The following STX1B variants were observed in gnomAD, a reference collection of about 807,000 sequenced individuals.
The protein encoded by STX1B is syntaxin 1B.
In STX1B, 7 loss-of-function variants were observed where a neutral mutation model predicts 39.4. The observed-to-expected ratio is 0.18, with a 90% CI of 0.10 to 0.33. The LOEUF is 0.33. STX1B is among the 10% of genes least tolerant of loss of function. The pLI, the probability that STX1B is intolerant of heterozygous loss-of-function variation, is 1.00. For synonymous variants in STX1B, 136 were observed against 144.1 expected (o/e 0.94, Z 0.40); for missense variants, 198 against 383.2 (o/e 0.52, Z 4.04).
In STX1B at chr16:30,989,625, G is replaced by A. The variant is rs190536608; in HGVS notation, c.*3196C>T. ...ACACGCCAGTGACACAGAAACACAC[G>A]CCAACGCACACGGCTGCACAGCGGG... On this transcript the variant is annotated 3_prime_UTR_variant, in exon 10 of 10. Transcript: ENST00000215095. 1,056 of 152,406 alleles carry A rather than the reference G, an allele frequency of 6.9e-3. 4 individuals carry two copies. The highest frequency in any genetic ancestry group is 0.011 in the Non-Finnish European group (736 of 68,122). The allele number at this position is 152,406 out of a possible 1,614,324, so 9.4% of individuals were successfully genotyped here. A position where few individuals can be genotyped will look rare whatever the true frequency, so the allele number is the denominator to read the frequency against.
chr16:31,000,338 T>G (rs1596718884), intron 4 of STX1B, among the ~76,000 whole-genome samples: 1 of 150,654 alleles, frequency 6.6e-6, no homozygotes, highest in South Asian at 2.2e-4. Flanking sequence ...TTTTGTTTTT[T>G]TTTTTTTTGT....
intron 1 of STX1B, among the ~76,000 whole-genome samples, chr16:31,006,166 C>T (rs2056654214): frequency 6.6e-6 from 1 of 152,158 alleles, no homozygotes; most frequent in African/African-American, 2.4e-5. Flanking sequence ...CACACACGGG[C>T]TTCCCATGCT....
chr16:30,993,078 G>A lies in STX1B; in HGVS notation c.786+52C>T, dbSNP rs528134280. 2.8e-5 allele frequency: 43 copies of A among 1,562,012 alleles called. No individual in the cohort carries two copies. In the Admixed American group the frequency reaches 3.0e-4, roughly 11 times the overall value. On this transcript the variant is annotated intron_variant, in intron 9 of 9. Transcript: ENST00000215095. ...CCGCTGCCATCACTCACCTCAGCCC[G>A]GGCTCAGCCTTGGGCTCCCCCGCCT...
intron 4 of STX1B, among the ~76,000 whole-genome samples, chr16:31,000,674 T>G (rs958834374): frequency 2.0e-5 from 3 of 152,116 alleles, no homozygotes; most frequent in Non-Finnish European, 4.4e-5. Context: ...GTGCTTTTAG[T>G]AGAGATGGGG....
chr16:31,009,756 C>A (rs1287456177), intron 1 of STX1B, among the ~76,000 whole-genome samples: 1 of 151,812 alleles, frequency 6.6e-6, no homozygotes, highest in Non-Finnish European at 1.5e-5. Context: ...CCTCTGCATC[C>A]CCATCTCCCA....
chr16:30,995,495 T>TTC (rs1318765131), intron 7 of STX1B, among the ~76,000 whole-genome samples: 1 of 144,764 alleles, frequency 6.9e-6, no homozygotes, highest in Non-Finnish European at 1.5e-5. Context: ...CTTTCTTTCT[T>TTC]TTTTTTTTTT....
chr16:31,006,185 G>A (rs577216541), intron 1 of STX1B, among the ~76,000 whole-genome samples: 6 of 152,154 alleles, frequency 3.9e-5, no homozygotes, highest in Non-Finnish European at 8.8e-5. Flanking sequence ...CTCCTCAGGG[G>A]TGCAAGCATC....
rs56353515 is a variant in STX1B at position 30,992,641 on chromosome 16, CGGG to C, written c.*177_*179del. The C allele has an allele frequency of 2.5e-6, 1 of 407,210 alleles. No homozygotes were observed. The highest frequency in any genetic ancestry group is 3.5e-5 in the South Asian group (1 of 28,856). 25.2% of individuals were successfully genotyped at this position (407,210 alleles called of 1,614,324 possible). On this transcript the variant is annotated 3_prime_UTR_variant, in exon 10 of 10. Transcript: ENST00000215095. Reference sequence around the variant, plus strand: ...GCCTGCTGCGATCTACGTGCGGGGACGGGGGGGGGGTCCATGGCCCGGTGAGGT... The same window carrying C: ...GCCTGCTGCGATCTACGTGCGGGGACGGGGGGGTCCATGGCCCGGTGAGGT...
intron 1 of STX1B, among the ~76,000 whole-genome samples, chr16:31,002,930 A>G (rs1446760533): frequency 6.6e-6 from 1 of 152,184 alleles, no homozygotes; most frequent in Admixed American, 6.5e-5. Flanking sequence ...CGGAACGCAG[A>G]CAGGGCCTAA....
intron 1 of STX1B, among the ~76,000 whole-genome samples, chr16:31,005,507 TA>T (rs1162945785): frequency 7.9e-6 from 1 of 127,090 alleles, no homozygotes; most frequent in Non-Finnish European, 1.6e-5. Context: ...GGGATCTCAC[TA>T]TATTGCCCAG....
At chr16:30,997,644 G>A (rs1283705828) in intron 4 of STX1B, 69 bp from the exon 5 acceptor site, 19 of 1,447,352 alleles carry the variant, frequency 1.3e-5, no homozygotes, top group Non-Finnish European at 1.7e-5. Flanking sequence ...CGGGGCGTAC[G>A]AATGGTCAAC....
intron 1 of STX1B, among the ~76,000 whole-genome samples, chr16:31,003,658 T>G (rs2056642989): frequency 6.6e-6 from 1 of 152,208 alleles, no homozygotes; most frequent in Non-Finnish European, 1.5e-5. Flanking sequence ...CTGTTGTTCT[T>G]GGAGCCACCT....
At chr16:30,999,094 T>G (rs2056610567) in intron 4 of STX1B, among the ~76,000 whole-genome samples, 1 of 152,186 alleles carries the variant, frequency 6.6e-6, no homozygotes, top group Admixed American at 6.5e-5. Flanking sequence ...ATTGCTTTCA[T>G]TTGTCTTACT....
intron 7 of STX1B, chr16:30,996,419 C>A: frequency 2.6e-6 from 1 of 386,338 alleles, no homozygotes. Flanking sequence ...ATGGGGTTTC[C>A]TCGAAGGGGA....
chr16:30,993,177 C>G lies in STX1B; in HGVS notation c.739G>C (p.Val247Leu). The G allele has an allele frequency of 6.2e-7, 1 of 1,614,240 alleles. No homozygotes were observed. The highest frequency in any genetic ancestry group is 1.1e-5 in the South Asian group (1 of 91,090). ...EHSVDYVERA[V>L]SDTKKAVKYQ... ...TTCACTGCTTTCTTGGTGTCAGACA[C>G]AGCTCGCTCCACGTAGTCCACAGAA... The change falls in exon 9 of 10, where the codon GTG becomes CTG. Residue 247 changes from valine to leucine, a missense_variant. Val to Leu is a conservative substitution (Grantham distance 32, BLOSUM62 1). Transcript: ENST00000215095.
rs1380361632 is a variant in STX1B, at chr16:30,991,306, CAG to C, written c.*1513_*1514del. On this transcript the variant is annotated 3_prime_UTR_variant, in exon 10 of 10. Coordinates refer to ENST00000215095, the MANE Select transcript of STX1B (RefSeq NM_052874.5). ...TCCAGGGGCTCGGGGCTATGCTGGGCAGAGACATGGAGGAAGATGAGGATCTA... is the reference window on the plus strand; with the variant it reads ...TCCAGGGGCTCGGGGCTATGCTGGGCAGACATGGAGGAAGATGAGGATCTA... The C allele has an allele frequency of 6.5e-6, 1 of 152,788 alleles. No individual in the cohort carries two copies. The highest frequency in any genetic ancestry group is 1.5e-5 in the Non-Finnish European group (1 of 68,132). 9.5% of individuals were successfully genotyped at this position (152,788 alleles called of 1,614,324 possible). A position where few individuals can be genotyped will look rare whatever the true frequency, so the allele number is the denominator to read the frequency against.
chr16:30,997,390 GC>G (rs1322622464), intron 5 of STX1B, 111 bp downstream of exon 5: 1 of 482,686 alleles, frequency 2.1e-6, no homozygotes, highest in South Asian at 1.9e-5. Context: ...CCCCGCCCCA[GC>G]CCTCCCTGAC....
chr16:30,989,475 GGGCCCCAGCCA>G lies in STX1B; in HGVS notation c.*3335_*3345del, dbSNP rs1322677175. On this transcript the variant is annotated 3_prime_UTR_variant, in exon 10 of 10. Coordinates refer to ENST00000215095, the MANE Select transcript of STX1B (RefSeq NM_052874.5). ...TAACAGGAGAGGGCGGCCTGGCTCT[GGGCCCCAGCCA>G]GGCCCCAGGAGTCCTGTCCCCTCTG... is the stretch of plus-strand genomic sequence containing the variant. 6.6e-6 allele frequency: 1 copy of G among 152,096 alleles called. No individual in the cohort carries two copies. Among genetic ancestry groups the G allele is most frequent in the African/African-American group, 2.4e-5 (1 of 41,412 alleles). The allele number at this position is 152,096 out of a possible 1,614,324, so 9.4% of individuals were successfully genotyped here.
In STX1B at chr16:30,993,595, G is replaced by A; in HGVS notation, c.538-111C>T. 2.3e-6 allele frequency: 3 copies of A among 1,303,090 alleles called. No homozygotes were observed. The South Asian group carries it at 3.9e-5, about 17-fold the overall frequency. The allele number at this position is 1,303,090 out of a possible 1,614,324, so 80.7% of individuals were successfully genotyped here. Reference sequence around the variant, plus strand: ...TGTCATTTACTAGCTGAAACCTTAGGCACATTATTCACCTGCTCTTGGCCT... The same window carrying A: ...TGTCATTTACTAGCTGAAACCTTAGACACATTATTCACCTGCTCTTGGCCT... On this transcript the variant is annotated intron_variant, in intron 7 of 9. Coordinates refer to ENST00000215095, the MANE Select transcript of STX1B (RefSeq NM_052874.5).
Sources: allele counts gnomAD v4.1 joint callset (sites outside exome capture counted in the v4.1 genomes callset), GRCh38; gene constraint gnomAD v4.1.1; transcripts MANE v1.5; gene names NCBI Gene and HGNC (gene_info 2026-07-23, HGNC 2026-07-21).